WFS1: variants seen among roughly 807,000 people sequenced by gnomAD.
WFS1 encodes the protein wolframin ER transmembrane glycoprotein, also known as wolframin.
Under a neutral mutation model 68.5 loss-of-function variants are expected in WFS1, and 90 were observed. The observed-to-expected ratio is 1.31, with a 90% CI of 1.11 to 1.56. The LOEUF (loss-of-function observed/expected upper bound fraction) is 1.56, where lower values mean the gene tolerates loss of function less well. Among genes scored for constraint, WFS1 ranks in the 40% most tolerant of loss-of-function variants. The pLI, the probability that WFS1 is intolerant of heterozygous loss-of-function variation, is 0.00. For missense variants in WFS1, 1,767 were observed against 1,232.6 expected (o/e 1.43, Z -6.49); for synonymous variants, 860 against 540.7 (o/e 1.59, Z -8.19).
intron 1 of WFS1, among the ~76,000 whole-genome samples, chr4:6,276,088 C>T (rs1729986650): frequency 6.6e-6 from 1 of 152,216 alleles, no homozygotes; most frequent in South Asian, 2.1e-4. Flanking sequence ...TTACCAGCCT[C>T]TCCCTGCTCT....
chr4:6,272,479 C>T (rs1479340628), intron 1 of WFS1, among the ~76,000 whole-genome samples: 1 of 152,202 alleles, frequency 6.6e-6, no homozygotes, highest in Non-Finnish European at 1.5e-5. Context: ...TGGGATCCAT[C>T]AAGGGCTTTG....
chr4:6,280,168 C>A (rs191312944), intron 2 of WFS1, among the ~76,000 whole-genome samples: 1 of 152,312 alleles, frequency 6.6e-6, no homozygotes, highest in African/African-American at 2.4e-5. Flanking sequence ...CTCATGGCAG[C>A]CCTGAGAGGG....
At chr4:6,291,168 A>G in intron 4 of WFS1, 29 bp from the exon 5 acceptor site, 1 of 1,610,046 alleles carries the variant, frequency 6.2e-7, no homozygotes, top group Non-Finnish European at 8.5e-7. Flanking sequence ...CAGGGCACAC[A>G]AGGCCTTTGA....
intron 7 of WFS1, among the ~76,000 whole-genome samples, chr4:6,295,763 C>T (rs147694002): frequency 6.7e-6 from 1 of 149,648 alleles, no homozygotes; most frequent in East Asian, 1.9e-4. Flanking sequence ...AGGAGGAAAG[C>T]GGGGAGCGGG....
At position 6,302,137 on chromosome 4, in the gene WFS1, T is replaced by A; in HGVS notation, c.2342T>A (p.Met781Lys). The A allele has an allele frequency of 1.2e-6, 2 of 1,613,004 alleles. No homozygotes were observed. The highest frequency in any genetic ancestry group is 1.7e-6 in the Non-Finnish European group (2 of 1,180,022). Reference protein sequence around the residue: ...DRYKFEITVGMPFSSGADGSR... With the variant: ...DRYKFEITVGKPFSSGADGSR... ...TACAAGTTTGAGATTACCGTGGGCA[T>A]GCCATTCAGCAGCGGCGCTGACGGC... Residue 781 changes from methionine to lysine, a missense_variant, in exon 8 of 8, where the codon ATG becomes AAG. Met to Lys is a moderately conservative substitution (Grantham distance 95). Transcript: ENST00000226760.
At chr4:6,296,303 C>G (rs936256120) in intron 7 of WFS1, among the ~76,000 whole-genome samples, 1 of 152,190 alleles carries the variant, frequency 6.6e-6, no homozygotes, top group African/African-American at 2.4e-5. Context: ...TGCAGGGACT[C>G]GGAGCCAGAC....
intron 1 of WFS1, among the ~76,000 whole-genome samples, chr4:6,275,616 C>G (rs1729972112): frequency 7.1e-6 from 1 of 141,086 alleles, no homozygotes; most frequent in African/African-American, 2.7e-5. Context: ...GGGGGGTGTG[C>G]TTGACCATGC....
rs56067149 is a variant in WFS1, at chr4:6,302,601, AC to A, written c.*135del. 2.2e-6 allele frequency: 3 copies of A among 1,349,316 alleles called. No homozygotes were observed. Among genetic ancestry groups the A allele is most frequent in the Non-Finnish European group, 3.0e-6 (3 of 988,650 alleles). The allele number at this position is 1,349,316 out of a possible 1,614,324, so 83.6% of individuals were successfully genotyped here. On this transcript the variant is annotated 3_prime_UTR_variant, in exon 8 of 8. Transcript: ENST00000226760. ...AGACTGTGGCTGCAGAGACCTTGCG[AC>A]CATGTGTAGATTGCGTGGACCCCGA...
chr4:6,289,364 A>G (rs1730400768), intron 4 of WFS1, among the ~76,000 whole-genome samples: 1 of 152,234 alleles, frequency 6.6e-6, no homozygotes, highest in African/African-American at 2.4e-5. Flanking sequence ...TGGTATCTCC[A>G]AGTGGTAACT....
chr4:6,294,538 A>G (rs1730570029), intron 6 of WFS1, among the ~76,000 whole-genome samples: 1 of 152,058 alleles, frequency 6.6e-6, no homozygotes. Flanking sequence ...TAGCAGGTGC[A>G]CAGTAGGCCC....
intron 7 of WFS1, among the ~76,000 whole-genome samples, chr4:6,297,225 G>T (rs778650935): frequency 6.6e-6 from 1 of 152,172 alleles, no homozygotes; most frequent in African/African-American, 2.4e-5. Context: ...AGAGCACTTC[G>T]ATTCCTTTGC....
At position 6,284,341 on chromosome 4, in the gene WFS1, C is replaced by A. The variant is rs1385075971; in HGVS notation, c.233-2752C>A. 3.9e-5 allele frequency among the ~76,000 whole-genome samples: 6 copies of A among 152,150 alleles called. No homozygotes were observed. The East Asian group carries it at 1.2e-3, about 29-fold the overall frequency. ...CGAGCCGAGATTTTGTCATTGCATTCCAGCCTGGGCGATGAGAGTGAAACT... is the reference window on the plus strand; with the variant it reads ...CGAGCCGAGATTTTGTCATTGCATTACAGCCTGGGCGATGAGAGTGAAACT... On this transcript the variant is annotated intron_variant, in intron 2 of 7. Coordinates refer to ENST00000226760, the MANE Select transcript of WFS1 (RefSeq NM_006005.3).
rs1401616251 is a variant in WFS1 at position 6,301,616 on chromosome 4, C to A, written c.1821C>A (p.Pro607=). ...IAVTVAVCSV[P]LLLRWWTKAS... ...TCACCGTGGCGGTCTGTAGTGTGCC[C>A]CTGCTGTTGCGCTGGTGGACCAAGG... The change falls in exon 8 of 8, where the codon CCC becomes CCA. Residue 607 remains proline (P), a synonymous_variant. Coordinates refer to ENST00000226760, the MANE Select transcript of WFS1 (RefSeq NM_006005.3). 3.1e-6 allele frequency: 5 copies of A among 1,614,008 alleles called. No individual in the cohort carries two copies. The highest frequency in any genetic ancestry group is 1.3e-5 in the African/African-American group (1 of 74,940).
Position 6,301,551 on chromosome 4 carries a change from G to GC in WFS1, c.1759dup (p.Arg587ProfsTer19). On this transcript the variant is annotated frameshift_variant, in exon 8 of 8. Coordinates refer to ENST00000226760, the MANE Select transcript of WFS1 (RefSeq NM_006005.3). LOFTEE classifies it high-confidence loss of function. ...GGCCCTGGTGGGCGTGCTGCAGTTC[G>GC]CCCGGTGGTTCACGTCTCTGGAGCT... The GC allele has an allele frequency of 1.2e-6, 2 of 1,614,038 alleles. No homozygotes were observed. The highest frequency in any genetic ancestry group is 1.7e-6 in the Non-Finnish European group (2 of 1,180,034).
intron 2 of WFS1, 92 bp downstream of exon 2, chr4:6,277,779 C>A: frequency 7.2e-7 from 1 of 1,394,392 alleles, no homozygotes; most frequent in Non-Finnish European, 9.8e-7. Flanking sequence ...GTCCCCCCGC[C>A]AGGTCCTCTG....
rs55804309 is a variant in WFS1, at chr4:6,277,250, C to T, written c.-5-201C>T. Among the ~76,000 whole-genome samples the T allele has an allele frequency of 8.7e-4, 132 of 152,350 alleles. 1 individual carries two copies. The highest frequency in any genetic ancestry group is 1.8e-3 in the Non-Finnish European group (121 of 68,040). On this transcript the variant is annotated intron_variant, in intron 1 of 7. Transcript: ENST00000226760. ...AAGTGCCATGCCATCTGTAGAGTCA[C>T]GTGGGTGAGTGTCCTCCCATGGTTT...
rs570328631 is a variant in WFS1, at chr4:6,301,238, G to A, written c.1443G>A (p.Leu481=). 1.2e-6 allele frequency: 2 copies of A among 1,611,596 alleles called. No individual in the cohort carries two copies. The highest frequency in any genetic ancestry group is 1.1e-5 in the South Asian group (1 of 91,082). The change falls in exon 8 of 8, where the codon CTG becomes CTA. Residue 481 remains leucine, a synonymous_variant. Coordinates refer to ENST00000226760, the MANE Select transcript of WFS1 (RefSeq NM_006005.3). ...CCATGCCCTTGAATTGGCCCTACCTGAAGGTCCTTGGCCAGACCTTCATCA... is the reference window on the plus strand; with the variant it reads ...CCATGCCCTTGAATTGGCCCTACCTAAAGGTCCTTGGCCAGACCTTCATCA... The part of the protein sequence containing the change: ...LPSMPLNWPY[L]KVLGQTFITV...
At chr4:6,299,228 C>A (rs1306443647) in intron 7 of WFS1, among the ~76,000 whole-genome samples, 1 of 152,238 alleles carries the variant, frequency 6.6e-6, no homozygotes, top group Non-Finnish European at 1.5e-5. Flanking sequence ...CCCTGGGTGG[C>A]AGCGCTGCTT....
chr4:6,301,461 C>T lies in WFS1; in HGVS notation c.1666C>T (p.Leu556=), dbSNP rs781043804. 6.2e-7 allele frequency: 1 copy of T among 1,612,668 alleles called. No homozygotes were observed. The highest frequency in any genetic ancestry group is 8.5e-7 in the Non-Finnish European group (1 of 1,180,036). The stretch of plus-strand genomic sequence containing the variant: ...CCTGCTGGAGTCCACCGGCCTGGGG[C>T]TGCTCCGCGCCTCCATCGGCTACTT... ...VILLESTGLG[L]LRASIGYFLF... Residue 556 remains leucine, a synonymous_variant, in exon 8 of 8, where the codon CTG becomes TTG. Coordinates refer to ENST00000226760, the MANE Select transcript of WFS1 (RefSeq NM_006005.3).
Sources: gnomAD v4.1 joint callset for allele counts (sites outside exome capture counted in the v4.1 genomes callset) on GRCh38, gnomAD v4.1.1 for gene constraint, MANE v1.5 for transcripts, NCBI Gene and HGNC (gene_info 2026-07-23, HGNC 2026-07-21) for gene names.